Variants in DLGAP2 observed in about 807,000 individuals in gnomAD.
DLGAP2 encodes DLG associated protein 2.
Under a neutral mutation model 100.3 loss-of-function variants are expected in DLGAP2, and 26 were observed. The observed-to-expected ratio is 0.26, with a 90% CI of 0.19 to 0.36. The LOEUF (loss-of-function observed/expected upper bound fraction) is 0.36. Ranked by LOEUF, DLGAP2 falls within the 10% of genes least tolerant of loss-of-function variation. The pLI is 1.00. For missense variants in DLGAP2, 1,858 were observed against 1,453.2 expected (o/e 1.28, Z -4.53); for synonymous variants, 886 against 630.1 (o/e 1.41, Z -6.08).
intron 2 of DLGAP2, among the ~76,000 whole-genome samples, chr8:1,074,779 C>T (rs1803551906): frequency 6.6e-6 from 1 of 152,140 alleles, no homozygotes; most frequent in South Asian, 2.1e-4. Context: ...TCTGGTGTAT[C>T]GTTTAAGATT....
At chr8:1,166,783 T>C (rs1320392149) in intron 2 of DLGAP2, among the ~76,000 whole-genome samples, 1 of 152,186 alleles carries the variant, frequency 6.6e-6, no homozygotes, top group Non-Finnish European at 1.5e-5. Context: ...AAAATTTACA[T>C]ACAATAACAA....
chr8:1,134,908 C>T (rs536256665), intron 2 of DLGAP2, among the ~76,000 whole-genome samples: 1 of 152,328 alleles, frequency 6.6e-6, no homozygotes, highest in South Asian at 2.1e-4. Flanking sequence ...CGCCAGGTCT[C>T]TCCCTAAACA....
chr8:804,528 A>G (rs1213753225), intron 1 of DLGAP2, among the ~76,000 whole-genome samples: 4 of 152,324 alleles, frequency 2.6e-5, no homozygotes, highest in African/African-American at 7.2e-5. Flanking sequence ...CAGGGCTGAC[A>G]TGCTATGGTT....
chr8:1,445,214 A>G (rs1001329080), intron 3 of DLGAP2, among the ~76,000 whole-genome samples: 9 of 142,782 alleles, frequency 6.3e-5, no homozygotes, highest in African/African-American at 2.3e-4. Context: ...CATTAGGTAT[A>G]TCTCCTAATG....
At chr8:1,376,381 A>G (rs1802388511) in intron 3 of DLGAP2, among the ~76,000 whole-genome samples, 1 of 152,228 alleles carries the variant, frequency 6.6e-6, no homozygotes, top group Non-Finnish European at 1.5e-5. Context: ...GGGCCTGCAG[A>G]GAGAGGAGCT....
chr8:1,683,856 A>ATATATG (rs1467438870), intron 12 of DLGAP2, among the ~76,000 whole-genome samples: 228 of 62,220 alleles, frequency 3.7e-3, no homozygotes, highest in Non-Finnish European at 4.6e-3. Context: ...ATATATATAT[A>ATATATG]TGTGTGTGTG....
chr8:1,413,871 T>A (rs1796802237), intron 3 of DLGAP2, among the ~76,000 whole-genome samples: 1 of 152,220 alleles, frequency 6.6e-6, no homozygotes, highest in Admixed American at 6.5e-5. Flanking sequence ...ATGCACAATG[T>A]CAATGGCATA....
chr8:1,111,597 C>T (rs993185456), intron 2 of DLGAP2, among the ~76,000 whole-genome samples: 1 of 152,084 alleles, frequency 6.6e-6, no homozygotes, highest in African/African-American at 2.4e-5. Flanking sequence ...TGTTCTTCCC[C>T]TCTGTGTGTC....
intron 2 of DLGAP2, among the ~76,000 whole-genome samples, chr8:1,077,507 C>T (rs1340906170): frequency 6.6e-6 from 1 of 152,178 alleles, no homozygotes; most frequent in Admixed American, 6.5e-5. Context: ...GTGAACATCA[C>T]TGGACCCCAA....
At chr8:951,927 A>C (rs1563111035) in intron 2 of DLGAP2, among the ~76,000 whole-genome samples, 1 of 152,228 alleles carries the variant, frequency 6.6e-6, no homozygotes, top group Non-Finnish European at 1.5e-5. Context: ...AAGTAACTTG[A>C]AGAGTAAGGG....
chr8:780,112 G>C (rs1045140132), intron 1 of DLGAP2, among the ~76,000 whole-genome samples: 1 of 152,056 alleles, frequency 6.6e-6, no homozygotes, highest in Admixed American at 6.6e-5. Flanking sequence ...TCTAAACTTT[G>C]TACCCTTTGA....
At chr8:847,473 T>C (rs1025523320) in intron 1 of DLGAP2, among the ~76,000 whole-genome samples, 3 of 152,154 alleles carry the variant, frequency 2.0e-5, no homozygotes, top group African/African-American at 7.2e-5. Flanking sequence ...ATGATCTTTT[T>C]GATTGGATTA....
At chr8:1,329,281 G>A (rs966952912) in intron 3 of DLGAP2, among the ~76,000 whole-genome samples, 1 of 152,188 alleles carries the variant, frequency 6.6e-6, no homozygotes, top group African/African-American at 2.4e-5. Flanking sequence ...TTTACTCTCA[G>A]TAATCGCACA....
intron 1 of DLGAP2, among the ~76,000 whole-genome samples, chr8:887,840 A>T (rs1047229722): frequency 1.3e-4 from 20 of 151,896 alleles, no homozygotes; most frequent in African/African-American, 4.4e-4. Flanking sequence ...GAATCTGATG[A>T]TTATGTGTCT....
chr8:1,618,851 A>T lies in DLGAP2; in HGVS notation c.1443-7889A>T, dbSNP rs1017111955. On this transcript the variant is annotated intron_variant, in intron 6 of 14. Coordinates refer to ENST00000637795, the MANE Select transcript of DLGAP2 (RefSeq NM_001346810.2). ...GTGCACTGTAGGATCTTTTCATGGC[A>T]TCTCTGGCACCTGTCCAGTAGACAC... Among the ~76,000 whole-genome samples the T allele has an allele frequency of 2.0e-5, 3 of 152,080 alleles. No individual in the cohort carries two copies. In the South Asian group the frequency reaches 6.2e-4, roughly 31 times the overall value.
chr8:1,098,286 G>A (rs111840899), intron 2 of DLGAP2, among the ~76,000 whole-genome samples: 1 of 152,220 alleles, frequency 6.6e-6, no homozygotes, highest in Admixed American at 6.5e-5. Flanking sequence ...GAAGTGAATC[G>A]TTTTGGATGC....
chr8:1,062,001 C>T (rs992717432), intron 2 of DLGAP2, among the ~76,000 whole-genome samples: 17 of 151,088 alleles, frequency 1.1e-4, no homozygotes, highest in Admixed American at 8.6e-4. Context: ...TGGCTCCTGT[C>T]TAAATAGGGA....
At chr8:1,666,189 C>T (rs1798539693) in intron 8 of DLGAP2, among the ~76,000 whole-genome samples, 1 of 152,060 alleles carries the variant, frequency 6.6e-6, no homozygotes, top group Non-Finnish European at 1.5e-5. Context: ...TGTCAGTTTT[C>T]AATAATTTTG....
chr8:1,484,638 G>A (rs915400765), intron 3 of DLGAP2, among the ~76,000 whole-genome samples: 2 of 152,242 alleles, frequency 1.3e-5, no homozygotes, highest in East Asian at 1.9e-4. Context: ...TTACAAGCTG[G>A]ACAGGAATTT....
Sources: allele counts gnomAD v4.1 joint callset (sites outside exome capture counted in the v4.1 genomes callset), GRCh38; gene constraint gnomAD v4.1.1; transcripts MANE v1.5; gene names NCBI Gene and HGNC (gene_info 2026-07-23, HGNC 2026-07-21).